KDM1A: variants seen among roughly 807,000 people sequenced by gnomAD.
KDM1A encodes the protein lysine-specific histone demethylase 1A.
Under a neutral mutation model 109.4 loss-of-function variants are expected in KDM1A, and 49 were observed. The observed-to-expected ratio is 0.45, with a 90% CI of 0.36 to 0.57. The LOEUF (loss-of-function observed/expected upper bound fraction) is 0.57, where lower values mean the gene tolerates loss of function less well. Ranked by LOEUF, KDM1A falls within the 20% of genes least tolerant of loss-of-function variation. The probability of loss-of-function intolerance (pLI) is 0.00; values close to 1 mark genes in which losing one functional copy is unlikely to be tolerated. For missense variants in KDM1A, 668 were observed against 1,116.6 expected, an observed-to-expected ratio of 0.60 and a Z score of 5.73; for synonymous variants, 380 against 415.4, an observed-to-expected ratio of 0.91 and a Z score of 1.04.
intron 1 of KDM1A, among the ~76,000 whole-genome samples, chr1:23,028,061 C>G (rs1164206856): frequency 6.6e-6 from 1 of 152,090 alleles, no homozygotes; most frequent in Non-Finnish European, 1.5e-5. Context: ...CACCCTTTTC[C>G]AAGTGTATTC....
intron 16 of KDM1A, 92 bp downstream of exon 16, chr1:23,077,452 TAG>T: frequency 7.4e-7 from 1 of 1,357,108 alleles, no homozygotes; most frequent in Non-Finnish European, 9.9e-7. Context: ...CATTTCCTGA[TAG>T]AGTGTTTATG....
chr1:23,062,232 G>A (rs1643021126), intron 9 of KDM1A, among the ~76,000 whole-genome samples: 2 of 152,170 alleles, frequency 1.3e-5, no homozygotes, highest in South Asian at 4.1e-4. Flanking sequence ...CAGGGAAGAT[G>A]GGGTGAGGTT....
chr1:23,040,259 A>C (rs1235455142), intron 2 of KDM1A, among the ~76,000 whole-genome samples: 1 of 152,252 alleles, frequency 6.6e-6, no homozygotes, highest in Admixed American at 6.5e-5. Context: ...TGTTTGCCAG[A>C]TAAAAGCATT....
chr1:23,059,466 G>T (rs1642936935), intron 9 of KDM1A: 2 of 398,630 alleles, frequency 5.0e-6, no homozygotes, highest in Non-Finnish European at 9.7e-6. Context: ...TACTCCAAGG[G>T]ACTTATGGAA....
intron 4 of KDM1A, among the ~76,000 whole-genome samples, 173 bp downstream of exon 4, chr1:23,050,693 T>C (rs1024828610): frequency 1.1e-4 from 16 of 152,242 alleles, no homozygotes; most frequent in Non-Finnish European, 1.9e-4. Flanking sequence ...ATTTAAAAAA[T>C]GTATATATAA....
chr1:23,072,084 G>C lies in KDM1A; in HGVS notation c.1549-40G>C, dbSNP rs549656. ...GTACAAAGAAACTAGGTGGATATCT[G>C]ACCCTTCAGGGTAACTCAGGTTCAC... On this transcript the variant is annotated intron_variant, in intron 13 of 20. Coordinates refer to ENST00000400181, the MANE Select transcript of KDM1A (RefSeq NM_001009999.3). 3,461 of 1,257,940 alleles carry C rather than the reference G, an allele frequency of 2.8e-3. 90 individuals are homozygous for C. In the African/African-American group the frequency reaches 0.045, roughly 16 times the overall value. 77.9% of individuals were successfully genotyped at this position (1,257,940 alleles called of 1,614,324 possible).
At chr1:23,058,502 C>T (rs2124477318) in intron 8 of KDM1A, among the ~76,000 whole-genome samples, 1 of 152,238 alleles carries the variant, frequency 6.6e-6, no homozygotes. Flanking sequence ...CTTTATGAGC[C>T]ACAACGCCCG....
intron 1 of KDM1A, 130 bp downstream of exon 1, chr1:23,020,077 A>G (rs868389482): frequency 3.0e-6 from 3 of 992,224 alleles, no homozygotes; most frequent in Non-Finnish European, 4.1e-6. Context: ...ATCGCTGCGC[A>G]CGCCACGTCC....
chr1:23,057,800 C>CTTT (rs10685820), intron 8 of KDM1A: 1,612 of 127,426 alleles, frequency 0.013, 35 homozygotes, highest in Middle Eastern at 0.021. Flanking sequence ...GTGTTTGAAG[C>CTTT]TTTTTTTTTT....
At position 23,079,753 on chromosome 1, in the gene KDM1A, C is replaced by T; in HGVS notation, c.2170+86C>T. The stretch of plus-strand genomic sequence containing the variant: ...TTTTGGGTTTTCTCAATATATATGC[C>T]TTAATTTCTCTCTTTATTAACTCAA... On this transcript the variant is annotated intron_variant, in intron 18 of 20. Transcript: ENST00000400181. This position sits in a 1 kb window ranked among gnomAD's most constrained non-coding sequence, Gnocchi z 5.6. 1 of 717,814 alleles carries T rather than the reference C, an allele frequency of 1.4e-6. No individual in the cohort carries two copies. The allele number at this position is 717,814 out of a possible 1,614,324, so 44.5% of individuals were successfully genotyped here. A position where few individuals can be genotyped will look rare whatever the true frequency, so the allele number is the denominator to read the frequency against.
chr1:23,055,834 C>T, intron 6 of KDM1A, 98 bp from the exon 7 acceptor site: 1 of 575,986 alleles, frequency 1.7e-6, no homozygotes. Context: ...ACTTTGTAAG[C>T]TATTATGTTA....
intron 9 of KDM1A, among the ~76,000 whole-genome samples, chr1:23,060,374 G>A (rs1164684983): frequency 1.3e-5 from 2 of 152,154 alleles, no homozygotes; most frequent in Non-Finnish European, 2.9e-5. Flanking sequence ...TCCCAATCTT[G>A]TTTTATCTGT....
chr1:23,042,440 A>ATTATTT (rs1553127465), intron 2 of KDM1A, among the ~76,000 whole-genome samples: 6 of 21,558 alleles, frequency 2.8e-4, no homozygotes, highest in Admixed American at 1.8e-3. Flanking sequence ...GAAATATATT[A>ATTATTT]TTTTTTTTTT....
Position 23,055,111 on chromosome 1 carries a change from G to A in KDM1A, c.833G>A (p.Arg278His), listed in dbSNP as rs1258888061. ...LVHRVHSYLE[R>H]HGLINFGIYK... ...CACCGAGTTCACAGTTATTTAGAGC[G>A]TCATGGTCTTATCAACTTCGGCATC... is the stretch of plus-strand genomic sequence containing the variant. Residue 278 changes from arginine (R) to histidine (H), a missense_variant, in exon 6 of 21, where the codon CGT becomes CAT. By Grantham distance (29) the Arg-to-His change is conservative. Around this residue, in one of 8 missense-constraint regions of KDM1A, gnomAD observed 149 missense variants for 189.7 expected, o/e 0.79. Transcript: ENST00000400181. 4 of 1,612,228 alleles carry A rather than the reference G, an allele frequency of 2.5e-6. No homozygotes were observed. The highest frequency in any genetic ancestry group is 2.2e-5 in the East Asian group (1 of 44,752).
chr1:23,059,337 A>G, intron 9 of KDM1A, 170 bp downstream of exon 9: 1 of 692,250 alleles, frequency 1.4e-6, no homozygotes, highest in South Asian at 1.4e-5. Context: ...TTAACTCTTG[A>G]GCTATGTAGG....
At chr1:23,049,907 T>C (rs1642615736) in intron 3 of KDM1A, among the ~76,000 whole-genome samples, 1 of 152,222 alleles carries the variant, frequency 6.6e-6, no homozygotes. Flanking sequence ...TGATTACTAA[T>C]GGATGATACT....
In KDM1A at chr1:23,030,558, G is replaced by A; in HGVS notation, c.441G>A (p.Lys147=). 3 of 1,612,134 alleles carry A rather than the reference G, an allele frequency of 1.9e-6. No homozygotes were observed. The highest frequency in any genetic ancestry group is 2.5e-6 in the Non-Finnish European group (3 of 1,179,528). ...AAGAGAGAAATGCCAAAGCAGAGAA[G>A]GAAAAGAAGCTTCCCCCACCACCCC... The part of the protein sequence containing the change: ...SEEERNAKAE[K]EKKLPPPPPQ... The change falls in exon 2 of 21, where the codon AAG becomes AAA. Residue 147 remains lysine, a synonymous_variant. Coordinates refer to ENST00000400181, the MANE Select transcript of KDM1A (RefSeq NM_001009999.3).
chr1:23,049,482 G>A (rs1026425100), intron 3 of KDM1A, among the ~76,000 whole-genome samples: 14 of 151,704 alleles, frequency 9.2e-5, no homozygotes, highest in Admixed American at 5.3e-4. Flanking sequence ...TCAGGAGTTC[G>A]AGACAAGCCT....
intron 2 of KDM1A, among the ~76,000 whole-genome samples, chr1:23,034,146 A>C (rs1642073355): frequency 6.6e-6 from 1 of 151,958 alleles, no homozygotes; most frequent in Non-Finnish European, 1.5e-5. Flanking sequence ...TGGGTAAATA[A>C]TGGATTTTTC....
Sources: gnomAD v4.1 joint callset for allele counts (sites outside exome capture counted in the v4.1 genomes callset) on GRCh38, gnomAD v4.1.1 for gene constraint, gnomAD v4.1.1 regional missense constraint, Gnocchi (gnomAD v3.1) non-coding constraint, MANE v1.5 for transcripts, NCBI Gene and HGNC (gene_info 2026-07-23, HGNC 2026-07-21) for gene names.